EPHA6: variants seen among roughly 807,000 people sequenced by gnomAD.
EPHA6 encodes the protein ephrin type-A receptor 6.
EPHA6 carries 50 observed loss-of-function variants against 112.0 expected under a neutral mutation model. That is an observed-to-expected ratio of 0.45 (90% CI 0.36 to 0.56). The LOEUF is 0.56. Among genes scored for constraint, EPHA6 ranks in the 20% least tolerant of loss-of-function variants. EPHA6 has a pLI of 0.00. For missense variants in EPHA6, 1,280 were observed against 1,417.4 expected, an observed-to-expected ratio of 0.90 and a Z score of 1.56; for synonymous variants, 529 against 490.7, an observed-to-expected ratio of 1.08 and a Z score of -1.03.
intron 11 of EPHA6, among the ~76,000 whole-genome samples, chr3:97,536,313 C>T (rs2107659329): frequency 6.6e-6 from 1 of 152,250 alleles, no homozygotes; most frequent in East Asian, 1.9e-4. Flanking sequence ...CTTCAGAATA[C>T]TGGGCTCTGC....
chr3:97,069,762 T>C lies in EPHA6; in HGVS notation c.1114+81769T>C, dbSNP rs748838798. On this transcript the variant is annotated intron_variant, in intron 3 of 17. Transcript: ENST00000389672. ...TGTTTTTTAATAAATATGCTTATAT[T>C]AGATGCTCATTCTTACAGTTTGAAC... Among the ~76,000 whole-genome samples the C allele has an allele frequency of 7.7e-4, 118 of 152,296 alleles. 1 individual carries two copies. In the Middle Eastern group the frequency reaches 0.014, roughly 18 times the overall value.
intron 5 of EPHA6, among the ~76,000 whole-genome samples, chr3:97,313,179 TTGTC>T (rs1189621795): frequency 5.9e-5 from 9 of 151,564 alleles, no homozygotes; most frequent in African/African-American, 2.2e-4. Flanking sequence ...TTGTGTTTCT[TTGTC>T]TGGCTTATTT....
chr3:97,087,885 C>A (rs6438950), intron 3 of EPHA6, among the ~76,000 whole-genome samples: 8 of 151,910 alleles, frequency 5.3e-5, no homozygotes, highest in African/African-American at 1.9e-4. Context: ...CCTTCATTTC[C>A]CATTAAAATT....
intron 5 of EPHA6, among the ~76,000 whole-genome samples, chr3:97,385,662 G>A (rs2086019652): frequency 6.6e-6 from 1 of 152,130 alleles, no homozygotes. Flanking sequence ...GGAATGGGTA[G>A]TTTACAAAGG....
intron 3 of EPHA6, among the ~76,000 whole-genome samples, chr3:97,180,476 A>G (rs1444509243): frequency 1.3e-5 from 2 of 151,916 alleles, no homozygotes; most frequent in East Asian, 3.9e-4. Flanking sequence ...AGCCACCACC[A>G]CTTGTTATGT....
chr3:96,858,738 A>G (rs2035841325), intron 1 of EPHA6, among the ~76,000 whole-genome samples: 1 of 152,142 alleles, frequency 6.6e-6, no homozygotes, highest in Admixed American at 6.6e-5. Context: ...GTACACAGTC[A>G]GAAATGGGGA....
intron 14 of EPHA6, among the ~76,000 whole-genome samples, chr3:97,664,252 T>A (rs1310737292): frequency 6.6e-6 from 1 of 152,300 alleles, no homozygotes; most frequent in East Asian, 1.9e-4. Context: ...GTCAGATGAG[T>A]AGATGGCAAA....
chr3:96,931,675 G>C (rs1025793027), intron 2 of EPHA6, among the ~76,000 whole-genome samples: 4 of 152,224 alleles, frequency 2.6e-5, no homozygotes, highest in African/African-American at 9.6e-5. Context: ...ACAGATAGTA[G>C]CTGCCTTTTC....
At chr3:97,416,890 A>C (rs1323635701) in intron 6 of EPHA6, among the ~76,000 whole-genome samples, 2 of 152,068 alleles carry the variant, frequency 1.3e-5, no homozygotes, top group African/African-American at 4.8e-5. Context: ...AATCTAGAAA[A>C]ATTGAGTATT....
intron 2 of EPHA6, among the ~76,000 whole-genome samples, chr3:96,978,753 T>G (rs1576227811): frequency 6.6e-6 from 1 of 152,320 alleles, no homozygotes; most frequent in Non-Finnish European, 1.5e-5. Flanking sequence ...TTGAGAAGAA[T>G]AACATTTCCG....
In EPHA6 at chr3:97,751,747, A is replaced by C. The variant is rs2035906667; in HGVS notation, c.*3046A>C. Among the ~76,000 whole-genome samples, 2 of 152,170 alleles carry C rather than the reference A, an allele frequency of 1.3e-5. No individual in the cohort carries two copies. The highest frequency in any genetic ancestry group is 1.3e-4 in the Admixed American group (2 of 15,278). ...AAATAAGTAACTTCCATAAATCACA[A>C]GTCTTCAGGAATAATCTTTGATACC... is the stretch of plus-strand genomic sequence containing the variant. On this transcript the variant is annotated 3_prime_UTR_variant, in exon 18 of 18. Coordinates refer to ENST00000389672, the MANE Select transcript of EPHA6 (RefSeq NM_001080448.3).
chr3:96,989,921 A>G (rs1281243942), intron 3 of EPHA6, among the ~76,000 whole-genome samples: 1 of 152,144 alleles, frequency 6.6e-6, no homozygotes, highest in Non-Finnish European at 1.5e-5. Context: ...AAAAATTTAT[A>G]CATATGAATA....
intron 13 of EPHA6, among the ~76,000 whole-genome samples, chr3:97,625,690 TTGTTACTTA>T (rs1186136008): frequency 6.6e-6 from 1 of 151,766 alleles, no homozygotes; most frequent in Non-Finnish European, 1.5e-5. Context: ...TGATGGTCTG[TTGTTACTTA>T]TGTTAATGTT....
At chr3:97,222,274 T>C (rs988109113) in intron 3 of EPHA6, among the ~76,000 whole-genome samples, 23 of 152,170 alleles carry the variant, frequency 1.5e-4, no homozygotes, top group Non-Finnish European at 2.2e-4. Flanking sequence ...ATAATAATTT[T>C]CTAACAACAG....
intron 10 of EPHA6, among the ~76,000 whole-genome samples, chr3:97,503,490 C>CTGCACCAAAACACAAAGCA (rs1008845860): frequency 1.3e-5 from 2 of 152,166 alleles, no homozygotes; most frequent in African/African-American, 4.8e-5. Context: ...TCCTTCTACC[C>CTGCACCAAAACACAAAGCA]TGCACCAAAA....
chr3:97,181,837 T>A (rs984467601), intron 3 of EPHA6, among the ~76,000 whole-genome samples: 16 of 152,038 alleles, frequency 1.1e-4, no homozygotes, highest in Non-Finnish European at 2.1e-4. Context: ...GATGAAGCTT[T>A]TTCTCTTGTG....
chr3:96,936,900 G>T (rs868190269), intron 2 of EPHA6, among the ~76,000 whole-genome samples: 8 of 152,148 alleles, frequency 5.3e-5, no homozygotes, highest in Middle Eastern at 3.4e-3. Flanking sequence ...GAGAATGATG[G>T]TTTCCACTTT....
chr3:96,945,979 G>A (rs1366280836), intron 2 of EPHA6, among the ~76,000 whole-genome samples: 1 of 151,968 alleles, frequency 6.6e-6, no homozygotes, highest in African/African-American at 2.4e-5. Context: ...AATTCTCCAT[G>A]CTCTGCTTGT....
At chr3:96,972,806 G>C (rs2042367854) in intron 2 of EPHA6, among the ~76,000 whole-genome samples, 1 of 152,084 alleles carries the variant, frequency 6.6e-6, no homozygotes, top group Non-Finnish European at 1.5e-5. Context: ...TCTGTGCTAA[G>C]AAACAAACTA....
Sources: allele counts gnomAD v4.1 joint callset (sites outside exome capture counted in the v4.1 genomes callset), GRCh38; gene constraint gnomAD v4.1.1; transcripts MANE v1.5; gene names NCBI Gene and HGNC (gene_info 2026-07-23, HGNC 2026-07-21).